Variants in ARHGAP44 observed in about 807,000 individuals in gnomAD.
ARHGAP44 encodes rho GTPase-activating protein 44.
A neutral mutation model predicts 106.8 loss-of-function variants in ARHGAP44; 43 were observed. The observed-to-expected ratio is 0.40, with a 90% confidence interval of 0.32 to 0.52. The LOEUF (loss-of-function observed/expected upper bound fraction) is 0.52, where lower values mean the gene tolerates loss of function less well. ARHGAP44 is among the 20% of genes least tolerant of loss of function. ARHGAP44 has a pLI of 0.48. For missense variants in ARHGAP44, 866 were observed against 1,050.5 expected, an observed-to-expected ratio of 0.82 and a Z score of 2.43; for synonymous variants, 439 against 410.3, an observed-to-expected ratio of 1.07 and a Z score of -0.85.
intron 7 of ARHGAP44, among the ~76,000 whole-genome samples, chr17:12,931,726 C>T (rs1207915161): frequency 6.6e-6 from 1 of 151,912 alleles, no homozygotes; most frequent in Non-Finnish European, 1.5e-5. Context: ...GTCTCAATCT[C>T]CTGACCTCAT....
rs113494311 is a variant in ARHGAP44, at chr17:12,990,777, C to T, written c.*606C>T. ...GGGCTCCAAAGTAAATGGCTGAAAA[C>T]AAAAATGTTTCACTTCCTAACAGTT... On this transcript the variant is annotated 3_prime_UTR_variant, in exon 21 of 21. Coordinates refer to ENST00000379672, the MANE Select transcript of ARHGAP44 (RefSeq NM_014859.6). 6.6e-6 allele frequency: 1 copy of T among 152,168 alleles called. No individual in the cohort carries two copies. Among genetic ancestry groups the T allele is most frequent in the Admixed American group, 6.5e-5 (1 of 15,290 alleles). The allele number at this position is 152,168 out of a possible 1,614,324, so 9.4% of individuals were successfully genotyped here. A position where few individuals can be genotyped will look rare whatever the true frequency, so the allele number is the denominator to read the frequency against.
At chr17:12,840,918 C>G (rs1405641134) in intron 1 of ARHGAP44, among the ~76,000 whole-genome samples, 1 of 152,086 alleles carries the variant, frequency 6.6e-6, no homozygotes, top group Non-Finnish European at 1.5e-5. Context: ...CTGACCTGAC[C>G]CAGCTCAGGA....
At chr17:12,940,043 G>A (rs925893672) in intron 7 of ARHGAP44, among the ~76,000 whole-genome samples, 1 of 152,228 alleles carries the variant, frequency 6.6e-6, no homozygotes, top group African/African-American at 2.4e-5. Flanking sequence ...GGGTTATGGG[G>A]TTGGTGCAGA....
intron 16 of ARHGAP44, among the ~76,000 whole-genome samples, chr17:12,967,197 G>A (rs955333811): frequency 5.6e-4 from 84 of 149,062 alleles, no homozygotes; most frequent in Admixed American, 4.6e-3. Flanking sequence ...ACACTGGCCA[G>A]GGTTAAACTT....
At chr17:12,887,957 G>A (rs919973040) in intron 1 of ARHGAP44, among the ~76,000 whole-genome samples, 1 of 151,540 alleles carries the variant, frequency 6.6e-6, no homozygotes, top group Admixed American at 6.6e-5. Context: ...GATTTCTGCA[G>A]GGTATGTTAA....
At chr17:12,989,888 A>C in intron 20 of ARHGAP44, 144 bp from the exon 21 acceptor site, 5 of 1,236,546 alleles carry the variant, frequency 4.0e-6, no homozygotes, top group Non-Finnish European at 5.6e-6. Flanking sequence ...ACTGTGCAAC[A>C]CAATGCTTAA....
At chr17:12,842,705 T>C (rs2035452734) in intron 1 of ARHGAP44, among the ~76,000 whole-genome samples, 1 of 152,206 alleles carries the variant, frequency 6.6e-6, no homozygotes, top group African/African-American at 2.4e-5. Flanking sequence ...TGATGTTGAC[T>C]AAACCCCGAC....
intron 1 of ARHGAP44, among the ~76,000 whole-genome samples, chr17:12,841,241 G>A (rs1434125309): frequency 6.6e-6 from 1 of 152,104 alleles, no homozygotes; most frequent in Non-Finnish European, 1.5e-5. Flanking sequence ...AATTCACCTC[G>A]AGAGTGAGGG....
intron 18 of ARHGAP44, among the ~76,000 whole-genome samples, chr17:12,975,243 A>T (rs996066878): frequency 2.0e-5 from 3 of 152,120 alleles, no homozygotes; most frequent in Admixed American, 6.5e-5. Context: ...GATAAGGGGG[A>T]CTACTGTATC....
At chr17:12,920,423 G>A (rs1044390034) in intron 6 of ARHGAP44, among the ~76,000 whole-genome samples, 13 of 151,026 alleles carry the variant, frequency 8.6e-5, no homozygotes, top group Admixed American at 8.6e-4. Flanking sequence ...GGAAGGCGAT[G>A]ATGGAGAAAG....
intron 1 of ARHGAP44, among the ~76,000 whole-genome samples, chr17:12,803,649 T>G (rs946073034): frequency 6.6e-6 from 1 of 152,156 alleles, no homozygotes; most frequent in African/African-American, 2.4e-5. Flanking sequence ...GTATCTTAAT[T>G]ATAGTCTGCT....
Position 12,802,757 on chromosome 17 carries a change from T to C in ARHGAP44, c.53+12866T>C, listed in dbSNP as rs917766690. Among the ~76,000 whole-genome samples the C allele has an allele frequency of 6.1e-4, 76 of 124,136 alleles. 2 individuals carry two copies. In the Middle Eastern group the frequency reaches 0.015, roughly 24 times the overall value. The allele number at this position is 124,136 out of a possible 152,430, so 81.4% of individuals were successfully genotyped here. On this transcript the variant is annotated intron_variant, in intron 1 of 20. Coordinates refer to ENST00000379672, the MANE Select transcript of ARHGAP44 (RefSeq NM_014859.6). ...GTAGTCCATTCTTTTTTATTTCTTTTTTTTTTTTTTTTTTTTTTTGATACG... is the reference window on the plus strand; with the variant it reads ...GTAGTCCATTCTTTTTTATTTCTTTCTTTTTTTTTTTTTTTTTTTGATACG...
chr17:12,939,475 T>A (rs1465006985), intron 7 of ARHGAP44, among the ~76,000 whole-genome samples: 1 of 152,098 alleles, frequency 6.6e-6, no homozygotes, highest in African/African-American at 2.4e-5. Flanking sequence ...TTTATTTTTT[T>A]TTTATTTTGA....
intron 1 of ARHGAP44, among the ~76,000 whole-genome samples, chr17:12,820,902 G>A (rs1253436174): frequency 1.3e-5 from 2 of 152,178 alleles, no homozygotes; most frequent in Non-Finnish European, 2.9e-5. Context: ...CAGAGGCTTT[G>A]AAGACCATAT....
intron 13 of ARHGAP44, 29 bp from the exon 14 acceptor site, chr17:12,955,838 T>G: frequency 6.7e-7 from 1 of 1,485,270 alleles, no homozygotes; most frequent in Non-Finnish European, 9.3e-7. Flanking sequence ...GAGCCTTGGT[T>G]AAACCTGGCC....
At chr17:12,829,908 G>A (rs1011684565) in intron 1 of ARHGAP44, among the ~76,000 whole-genome samples, 8 of 152,128 alleles carry the variant, frequency 5.3e-5, no homozygotes, top group African/African-American at 1.9e-4. Flanking sequence ...GGTCATCAGG[G>A]TCAGAGATTT....
Position 12,937,289 on chromosome 17 carries a change from A to G in ARHGAP44, c.583-3767A>G, listed in dbSNP as rs992603010. 3.3e-5 allele frequency among the ~76,000 whole-genome samples: 5 copies of G among 152,160 alleles called. 1 individual carries two copies. Among genetic ancestry groups the G allele is most frequent in the African/African-American group, 9.7e-5 (4 of 41,418 alleles). ...GACCTTGTTAAGAATGGAGTACTCT[A>G]GTATATTTCAAAATGGCTACTTTTT... On this transcript the variant is annotated intron_variant, in intron 7 of 20. Coordinates refer to ENST00000379672, the MANE Select transcript of ARHGAP44 (RefSeq NM_014859.6).
At chr17:12,895,108 C>T (rs531314869) in intron 2 of ARHGAP44, 129 bp downstream of exon 2, 20 of 750,202 alleles carry the variant, frequency 2.7e-5, no homozygotes, top group East Asian at 5.9e-5. Flanking sequence ...TCCAGCCTGG[C>T]GATACAGCGA....
Position 12,896,531 on chromosome 17 carries a change from T to A in ARHGAP44, c.198+20T>A. On this transcript the variant is annotated intron_variant, in intron 3 of 20. Coordinates refer to ENST00000379672, the MANE Select transcript of ARHGAP44 (RefSeq NM_014859.6). ...CGCTCCGTAAGTGCCCTCCCAGCCC[T>A]GGGGAGCTGAAATCTTGCCTACTGA... 6.4e-7 allele frequency: 1 copy of A among 1,571,336 alleles called. No individual in the cohort carries two copies. The highest frequency in any genetic ancestry group is 8.6e-7 in the Non-Finnish European group (1 of 1,158,718).
Sources: gnomAD v4.1 joint callset for allele counts (sites outside exome capture counted in the v4.1 genomes callset) on GRCh38, gnomAD v4.1.1 for gene constraint, MANE v1.5 for transcripts, NCBI Gene and HGNC (gene_info 2026-07-23, HGNC 2026-07-21) for gene names.